MCF2L: variants seen among roughly 807,000 people sequenced by gnomAD.
MCF2L encodes the protein guanine nucleotide exchange factor DBS.
Under a neutral mutation model 153.4 loss-of-function variants are expected in MCF2L, and 97 were observed. The ratio of observed to expected loss-of-function variants is 0.63; its 90% CI spans 0.54 to 0.75. MCF2L has a LOEUF of 0.75. Among genes scored for constraint, MCF2L ranks in the 30% least tolerant of loss-of-function variants. The pLI, the probability that MCF2L is intolerant of heterozygous loss-of-function variation, is 0.00. For synonymous variants in MCF2L, 659 were observed against 632.2 expected (o/e 1.04, Z -0.64); for missense variants, 1,347 against 1,495.2 (o/e 0.90, Z 1.64).
chr13:112,947,136 G>C (rs2081645947), intron 2 of MCF2L, among the ~76,000 whole-genome samples: 1 of 152,164 alleles, frequency 6.6e-6, no homozygotes, highest in Admixed American at 6.5e-5. Flanking sequence ...CAGGGTGAAA[G>C]GCAGGAGGGC....
In MCF2L at chr13:113,094,827, A is replaced by C. The variant is rs1185831062; in HGVS notation, c.3075+192A>C. 3 of 1,073,450 alleles carry C rather than the reference A, an allele frequency of 2.8e-6. No individual in the cohort carries two copies. The East Asian group carries it at 8.5e-5, about 31-fold the overall frequency. The allele number at this position is 1,073,450 out of a possible 1,614,324, so 66.5% of individuals were successfully genotyped here. ...CTAACTCTCTCTGGAAGGTCCACCC[A>C]GACCTGGGTCTTGGGGCACAGCCCC... On this transcript the variant is annotated intron_variant, in intron 27 of 29. Transcript: ENST00000535094.
At chr13:113,001,585 C>G in intron 1 of MCF2L, 1 of 803,804 alleles carries the variant, frequency 1.2e-6, no homozygotes, top group South Asian at 4.2e-5. Flanking sequence ...TGTGGGGCCC[C>G]TGCAGGGAGG....
intron 3 of MCF2L, among the ~76,000 whole-genome samples, chr13:113,038,679 C>T (rs2141453837): frequency 6.6e-6 from 1 of 152,156 alleles, no homozygotes. Flanking sequence ...TATGAAAATG[C>T]AAGGGGTGAG....
intron 26 of MCF2L, chr13:113,090,291 T>G (rs2035078950): frequency 2.7e-4 from 342 of 1,246,602 alleles, no homozygotes; most frequent in East Asian, 1.9e-3. Flanking sequence ...CAATCACGTG[T>G]TCCCTGATGC....
chr13:113,080,358 G>A (rs2034003428), intron 15 of MCF2L, among the ~76,000 whole-genome samples: 1 of 152,146 alleles, frequency 6.6e-6, no homozygotes, highest in Non-Finnish European at 1.5e-5. Flanking sequence ...TCGGCCCTGA[G>A]ACGCAGAAGG....
chr13:112,994,435 G>A (rs9577415), intron 1 of MCF2L, among the ~76,000 whole-genome samples: 37,938 of 152,248 alleles, frequency 0.25, 5,811 homozygotes, highest in Non-Finnish European at 0.34. Flanking sequence ...GGGCTGGCAG[G>A]GCTGCCCAGG....
rs529047767 is a variant in MCF2L at position 112,899,056 on chromosome 13, G to A, written c.-4-3143G>A. On this transcript the variant is annotated intron_variant, in intron 1 of 29. Transcript: ENST00000375608. ...GAGAAGCTGGCTCTCCCTGGGATCCGAGCTCCTCGGGGACAGGAGCTTCCC... is the reference window on the plus strand; with the variant it reads ...GAGAAGCTGGCTCTCCCTGGGATCCAAGCTCCTCGGGGACAGGAGCTTCCC... Among the ~76,000 whole-genome samples the A allele has an allele frequency of 5.9e-5, 9 of 152,342 alleles. No homozygotes were observed. In the South Asian group the frequency reaches 6.2e-4, roughly 11 times the overall value.
intron 3 of MCF2L, chr13:113,044,261 G>A (rs995317118): frequency 3.7e-6 from 1 of 269,982 alleles, no homozygotes; most frequent in Non-Finnish European, 7.3e-6. Context: ...CAGGGACACA[G>A]ACGCAGCAGC....
chr13:112,915,113 C>G (rs889884209), intron 2 of MCF2L, among the ~76,000 whole-genome samples: 2 of 152,008 alleles, frequency 1.3e-5, no homozygotes, highest in African/African-American at 2.4e-5. Context: ...CATCGTTCAT[C>G]AAAATCTCCA....
Position 113,019,763 on chromosome 13 carries a change from C to T in MCF2L, c.164-4881C>T, listed in dbSNP as rs78172863. Among the ~76,000 whole-genome samples, 341 of 152,312 alleles carry T rather than the reference C, an allele frequency of 2.2e-3. 1 individual carries two copies. Among genetic ancestry groups the T allele is most frequent in the African/African-American group, 7.8e-3 (323 of 41,572 alleles). ...AGGAGATTAGGTCATGAAGGTGGAG[C>T]TCCCAGGTGGGATCAGAGCCTTTAT... On this transcript the variant is annotated intron_variant, in intron 2 of 29. Coordinates refer to ENST00000535094, the MANE Select transcript of MCF2L (RefSeq NM_001112732.3).
chr13:112,969,183 G>C (rs1395937477), upstream of MCF2L: 11 of 750,290 alleles, frequency 1.5e-5, no homozygotes, highest in Non-Finnish European at 1.5e-5. The surrounding 1 kb of genome is among the most constrained non-coding windows in gnomAD (Gnocchi z 4.8). Context: ...CCCGCCCCCC[G>C]CGGCGCAGCG....
At chr13:113,051,408 G>C (rs2087315220) in intron 4 of MCF2L, among the ~76,000 whole-genome samples, 3 of 152,188 alleles carry the variant, frequency 2.0e-5, no homozygotes. Flanking sequence ...CAGCCCGTGA[G>C]GCTTCCACGA....
In MCF2L at chr13:113,074,679, C is replaced by G. The variant is rs1281678548; in HGVS notation, c.1116+116C>G. ...ACGGAGAACGGACCCCACAGCCCCCCGGGGATGTCCATGGGGTGGGGGGTG... is the reference window on the plus strand; with the variant it reads ...ACGGAGAACGGACCCCACAGCCCCCGGGGGATGTCCATGGGGTGGGGGGTG... On this transcript the variant is annotated intron_variant, in intron 10 of 29. Coordinates refer to ENST00000535094, the MANE Select transcript of MCF2L (RefSeq NM_001112732.3). This position sits in a 1 kb window ranked among gnomAD's most constrained non-coding sequence, Gnocchi z 4.2. 1 of 1,447,102 alleles carries G rather than the reference C, an allele frequency of 6.9e-7. No homozygotes were observed. The highest frequency in any genetic ancestry group is 9.4e-7 in the Non-Finnish European group (1 of 1,067,980). The allele number at this position is 1,447,102 out of a possible 1,614,324, so 89.6% of individuals were successfully genotyped here.
At chr13:113,089,008 G>C (rs991300132) in intron 25 of MCF2L, among the ~76,000 whole-genome samples, 2 of 152,216 alleles carry the variant, frequency 1.3e-5, no homozygotes. Context: ...TGGCTTCGTC[G>C]TGTCTCTTCT....
intron 2 of MCF2L, among the ~76,000 whole-genome samples, chr13:112,902,907 C>T (rs540589752): frequency 1.3e-5 from 2 of 152,342 alleles, no homozygotes; most frequent in African/African-American, 4.8e-5. Flanking sequence ...CAAGCTCAGC[C>T]TGACCTCCTG....
chr13:113,034,685 T>C (rs1356855489), intron 3 of MCF2L, among the ~76,000 whole-genome samples: 1 of 151,542 alleles, frequency 6.6e-6, no homozygotes, highest in East Asian at 1.9e-4. Flanking sequence ...GGTCTCACCC[T>C]CACCCTGGTC....
At chr13:112,934,729 G>A (rs1392755833) in intron 2 of MCF2L, among the ~76,000 whole-genome samples, 1 of 152,178 alleles carries the variant, frequency 6.6e-6, no homozygotes, top group Non-Finnish European at 1.5e-5. Flanking sequence ...GTGTGCCGGG[G>A]CGGCCCTTCC....
chr13:113,016,765 C>T (rs916203288), intron 2 of MCF2L, among the ~76,000 whole-genome samples: 5 of 152,192 alleles, frequency 3.3e-5, no homozygotes, highest in African/African-American at 1.2e-4. Context: ...GTGGCTGGCC[C>T]GGCCCCTCAG....
chr13:113,021,507 C>T (rs1174029545), intron 2 of MCF2L, among the ~76,000 whole-genome samples: 2 of 152,172 alleles, frequency 1.3e-5, no homozygotes, highest in African/African-American at 4.8e-5. Context: ...GGACCGGAGG[C>T]TGCCCCTGGT....
Sources: gnomAD v4.1 joint callset for allele counts (sites outside exome capture counted in the v4.1 genomes callset) on GRCh38, gnomAD v4.1.1 for gene constraint, Gnocchi (gnomAD v3.1) non-coding constraint, MANE v1.5 for transcripts, NCBI Gene and HGNC (gene_info 2026-07-23, HGNC 2026-07-21) for gene names.